Variants in ATP8B3 observed in about 807,000 individuals in gnomAD.
ATP8B3 encodes the protein phospholipid-transporting ATPase IK.
Under a neutral mutation model 140.9 loss-of-function variants are expected in ATP8B3, and 141 were observed. The observed-to-expected ratio is 1.00, with a 90% CI of 0.87 to 1.15. The LOEUF is 1.15. Ranked by LOEUF, ATP8B3 falls within the 50% of genes most tolerant of loss-of-function variation. ATP8B3 has a pLI of 0.00. For missense variants in ATP8B3, 1,874 were observed against 1,740.6 expected (o/e 1.08, Z -1.36); for synonymous variants, 765 against 714.6 (o/e 1.07, Z -1.13).
At chr19:1,786,748 A>C (rs2068318174) in intron 25 of ATP8B3, among the ~76,000 whole-genome samples, 1 of 151,352 alleles carries the variant, frequency 6.6e-6, no homozygotes, top group Non-Finnish European at 1.5e-5. Context: ...CACCCTCCCA[A>C]CCCCAGATCA....
Position 1,805,878 on chromosome 19 carries a change from A to AG in ATP8B3, c.821+9dup, listed in dbSNP as rs774627074. On this transcript the variant is annotated intron_variant, in intron 9 of 28. Coordinates refer to ENST00000310127, the MANE Select transcript of ATP8B3 (RefSeq NM_138813.4). This position sits in a 1 kb window ranked among gnomAD's most constrained non-coding sequence, Gnocchi z 5.2. ...CCCCCAGGGTCCCCAGCGATGCCAC[A>AG]GCTCCTCACCCGTCAATGTCCACCG... The AG allele has an allele frequency of 2.2e-5, 35 of 1,612,524 alleles. No individual in the cohort carries two copies. The highest frequency in any genetic ancestry group is 8.9e-5 in the East Asian group (4 of 44,828).
rs373082352 is a variant in ATP8B3 at position 1,806,185 on chromosome 19, G to C, written c.678-16C>G. The stretch of plus-strand genomic sequence containing the variant: ...CTGCTTGAAGCTGCGGGGAGAGGGG[G>C]TTGTGAAGGAGGCCCCTCCCTCTGC... On this transcript the variant is annotated splice_polypyrimidine_tract_variant and intron_variant, in intron 7 of 28. Coordinates refer to ENST00000310127, the MANE Select transcript of ATP8B3 (RefSeq NM_138813.4). This position sits in a 1 kb window ranked among gnomAD's most constrained non-coding sequence, Gnocchi z 5.6. 2 of 1,576,410 alleles carry C rather than the reference G, an allele frequency of 1.3e-6. No individual in the cohort carries two copies. The highest frequency in any genetic ancestry group is 1.2e-5 in the South Asian group (1 of 86,300).
intron 25 of ATP8B3, among the ~76,000 whole-genome samples, chr19:1,786,635 G>A (rs997540734): frequency 7.2e-5 from 11 of 152,040 alleles, no homozygotes; most frequent in African/African-American, 2.7e-4. Flanking sequence ...GGTCACACCA[G>A]CCGCAACACA....
At position 1,811,625 on chromosome 19, in the gene ATP8B3, A is replaced by G; in HGVS notation, c.112T>C (p.Ser38Pro). ...TGDSDVTQEG[S>P]GPAGIRGGET... ...CCTCCGCGGATGCCAGCAGGACCTG[A>G]GCCTTCCTGAGTCACGTCTGAGTCA... is the stretch of plus-strand genomic sequence containing the variant. The change falls in exon 2 of 29, where the codon TCA (serine) becomes CCA (proline). Residue 38 changes from serine (S) to proline (P), a missense_variant. Physicochemically the swap from Ser to Pro is moderately conservative, Grantham distance 74. Coordinates refer to ENST00000310127, the MANE Select transcript of ATP8B3 (RefSeq NM_138813.4). 1 of 1,611,778 alleles carries G rather than the reference A, an allele frequency of 6.2e-7. No individual in the cohort carries two copies. Among genetic ancestry groups the G allele is most frequent in the Non-Finnish European group, 8.5e-7 (1 of 1,179,778 alleles).
At chr19:1,808,613 TGAGC>T (rs1331939264) in intron 4 of ATP8B3, among the ~76,000 whole-genome samples, 1 of 152,238 alleles carries the variant, frequency 6.6e-6, no homozygotes, top group Non-Finnish European at 1.5e-5. Context: ...CAGCATTTAC[TGAGC>T]ACCTGCTCAG....
At chr19:1,801,483 G>A (rs1315556391) in intron 12 of ATP8B3, among the ~76,000 whole-genome samples, 1 of 152,188 alleles carries the variant, frequency 6.6e-6, no homozygotes, top group Non-Finnish European at 1.5e-5. Flanking sequence ...AGGCACGGTG[G>A]CTCATGCCTG....
chr19:1,801,220 C>T (rs1350066713), intron 12 of ATP8B3, among the ~76,000 whole-genome samples: 1 of 151,256 alleles, frequency 6.6e-6, no homozygotes, highest in African/African-American at 2.4e-5. Flanking sequence ...GGTGCAATCT[C>T]AGCTCACTGC....
chr19:1,795,953 G>A lies in ATP8B3; in HGVS notation c.1977C>T (p.Thr659=), dbSNP rs746533743. The A allele has an allele frequency of 2.4e-4, 381 of 1,613,172 alleles. No individual in the cohort carries two copies. The highest frequency in any genetic ancestry group is 2.9e-4 in the Non-Finnish European group (345 of 1,179,872). The change falls in exon 18 of 29, where the codon ACC becomes ACT. Residue 659 remains threonine (T), a synonymous_variant. Transcript: ENST00000310127. ...RKPEGAICLY[T]KGADTVIFER... ...CGAAGATGACCGTGTCGGCGCCCTT[G>A]GTGTACAGGCAGATGGCGCCCTCTG...
At chr19:1,803,753 G>A (rs1044481895) in intron 10 of ATP8B3, among the ~76,000 whole-genome samples, 1 of 152,026 alleles carries the variant, frequency 6.6e-6, no homozygotes, top group African/African-American at 2.4e-5. Context: ...AAAATTAGCT[G>A]GGCGTGGTGG....
At position 1,782,832 on chromosome 19, in the gene ATP8B3, G is replaced by T; in HGVS notation, c.*196C>A. On this transcript the variant is annotated 3_prime_UTR_variant, in exon 29 of 29. Coordinates refer to ENST00000310127, the MANE Select transcript of ATP8B3 (RefSeq NM_138813.4). ...TCCTGTGCCCTTGGCAATTGCTCTT[G>T]GAAAGACTCAGATAGCCTGTTGCTG... The T allele has an allele frequency of 1.4e-6, 1 of 693,112 alleles. No individual in the cohort carries two copies. The highest frequency in any genetic ancestry group is 2.4e-6 in the Non-Finnish European group (1 of 424,684). 42.9% of individuals were successfully genotyped at this position (693,112 alleles called of 1,614,324 possible).
At position 1,805,520 on chromosome 19, in the gene ATP8B3, C is replaced by T. The variant is rs2068983698; in HGVS notation, c.822-64G>A. The stretch of plus-strand genomic sequence containing the variant: ...ATGGATGCTTCGAGGAGCCCCCAGA[C>T]CCCTTCTGGAGTCACTCAAACATTT... On this transcript the variant is annotated intron_variant, in intron 9 of 28. Transcript: ENST00000310127. This position sits in a 1 kb window ranked among gnomAD's most constrained non-coding sequence, Gnocchi z 5.2. The T allele has an allele frequency of 7.4e-7, 1 of 1,357,442 alleles. No individual in the cohort carries two copies. Among genetic ancestry groups the T allele is most frequent in the Non-Finnish European group, 1.0e-6 (1 of 970,966 alleles). 84.1% of individuals were successfully genotyped at this position (1,357,442 alleles called of 1,614,324 possible). A position where few individuals can be genotyped will look rare whatever the true frequency, so the allele number is the denominator to read the frequency against.
intron 14 of ATP8B3, 160 bp downstream of exon 14, chr19:1,799,787 G>T: frequency 1.4e-6 from 1 of 730,894 alleles, no homozygotes; most frequent in Non-Finnish European, 2.2e-6. Context: ...AAATTTTCCT[G>T]GCCCCCTCCA....
intron 18 of ATP8B3, among the ~76,000 whole-genome samples, chr19:1,792,523 C>T (rs752684045): frequency 2.2e-4 from 32 of 144,784 alleles, no homozygotes; most frequent in African/African-American, 4.8e-4. Flanking sequence ...GAGGTTGCAG[C>T]GAGCTGAGAT....
Position 1,802,631 on chromosome 19 carries a change from C to T in ATP8B3, c.919G>A (p.Glu307Lys). Reference sequence around the variant, plus strand: ...TGGTGCATCCGACTGTTAGGCGCCTCACACGTCACTGTGCCTGTGGGTGGC... The same window carrying T: ...TGGTGCATCCGACTGTTAGGCGCCTTACACGTCACTGTGCCTGTGGGTGGC... ...MASFQGTVTCEAPNSRMHHFV... is the reference protein window; with the variant it reads ...MASFQGTVTCKAPNSRMHHFV... The change falls in exon 11 of 29, where the codon GAG becomes AAG. Residue 307 changes from glutamate (E) to lysine (K), a missense_variant. By Grantham distance (56) the Glu-to-Lys change is moderately conservative. Around this residue, in one of 3 missense-constraint regions of ATP8B3, gnomAD observed 1,032 missense variants for 963.6 expected, o/e 1.07. Transcript: ENST00000310127. 6.2e-7 allele frequency: 1 copy of T among 1,610,528 alleles called. No individual in the cohort carries two copies. Among genetic ancestry groups the T allele is most frequent in the Non-Finnish European group, 8.5e-7 (1 of 1,179,006 alleles).
In ATP8B3 at chr19:1,789,099, A is replaced by G; in HGVS notation, c.2867T>C (p.Leu956Pro). 6.3e-7 allele frequency: 1 copy of G among 1,593,526 alleles called. No homozygotes were observed. Among genetic ancestry groups the G allele is most frequent in the Non-Finnish European group, 8.5e-7 (1 of 1,174,440 alleles). Residue 956 changes from leucine (L) to proline (P), a missense_variant, in exon 24 of 29, where the codon CTG becomes CCG. Physicochemically the swap from Leu to Pro is moderately conservative, Grantham distance 98. Transcript: ENST00000310127. Reference protein sequence around the residue: ...MIKTADVGVGLAGQEGMQAVQ... With the variant: ...MIKTADVGVGPAGQEGMQAVQ... The stretch of plus-strand genomic sequence containing the variant: ...TGCCTGCATGCCCTCCTGGCCCGCC[A>G]GCCCCACGCCCACGTCCGCGGCTGC...
At chr19:1,792,509 G>A (rs1369165681) in intron 18 of ATP8B3, among the ~76,000 whole-genome samples, 3 of 151,676 alleles carry the variant, frequency 2.0e-5, no homozygotes, top group Non-Finnish European at 4.4e-5. Flanking sequence ...GAACTTGGGA[G>A]GCGGAGGTTG....
chr19:1,782,925 A>G lies in ATP8B3; in HGVS notation c.*103T>C. ...TGAAGAGCGGATTGTCTATCCATAG[A>G]AAATGATGAGCTAGGTGTAGGGGGG... On this transcript the variant is annotated 3_prime_UTR_variant, in exon 29 of 29. Transcript: ENST00000310127. 1 of 1,428,056 alleles carries G rather than the reference A, an allele frequency of 7.0e-7. No individual in the cohort carries two copies. Among genetic ancestry groups the G allele is most frequent in the Non-Finnish European group, 9.4e-7 (1 of 1,061,044 alleles). The allele number at this position is 1,428,056 out of a possible 1,614,324, so 88.5% of individuals were successfully genotyped here. A position where few individuals can be genotyped will look rare whatever the true frequency, so the allele number is the denominator to read the frequency against.
In ATP8B3 at chr19:1,794,460, C is replaced by T. The variant is rs989657470; in HGVS notation, c.2055+1415G>A. ...ATCTTCCCACACACACCCCGCTGCC[C>T]TGTGCTCCATGCTGCTGGGGCCCCA... On this transcript the variant is annotated intron_variant, in intron 18 of 28. Transcript: ENST00000310127. The surrounding 1 kb of genome is among the most constrained non-coding windows in gnomAD (Gnocchi z 4.8). Among the ~76,000 whole-genome samples, 1 of 152,042 alleles carries T rather than the reference C, an allele frequency of 6.6e-6. No homozygotes were observed. The highest frequency in any genetic ancestry group is 1.5e-5 in the Non-Finnish European group (1 of 67,980).
rs192591376 is a variant in ATP8B3, at chr19:1,792,551, G to C, written c.2056-416C>G. Reference sequence around the variant, plus strand: ...GCTGAGATCACACCACTGCACTCCAGCCTGGGCGACAAAGTGAGACTCCAT... The same window carrying C: ...GCTGAGATCACACCACTGCACTCCACCCTGGGCGACAAAGTGAGACTCCAT... On this transcript the variant is annotated intron_variant, in intron 18 of 28. Coordinates refer to ENST00000310127, the MANE Select transcript of ATP8B3 (RefSeq NM_138813.4). 2.1e-3 allele frequency among the ~76,000 whole-genome samples: 310 copies of C among 144,808 alleles called. 2 individuals are homozygous for C. Among genetic ancestry groups the C allele is most frequent in the African/African-American group, 7.5e-3 (294 of 39,188 alleles). 95.0% of individuals were successfully genotyped at this position (144,808 alleles called of 152,430 possible).
Sources: gnomAD v4.1 joint callset for allele counts (sites outside exome capture counted in the v4.1 genomes callset) on GRCh38, gnomAD v4.1.1 for gene constraint, gnomAD v4.1.1 regional missense constraint, Gnocchi (gnomAD v3.1) non-coding constraint, MANE v1.5 for transcripts, NCBI Gene and HGNC (gene_info 2026-07-23, HGNC 2026-07-21) for gene names.